Variants in PCMTD1 observed in about 807,000 individuals in gnomAD.
PCMTD1 encodes protein-L-isoaspartate (D-aspartate) O-methyltransferase domain containing 1, also known as protein-L-isoaspartate O-methyltransferase domain-containing protein 1.
PCMTD1 carries 12 observed loss-of-function variants against 37.6 expected under a neutral mutation model. The observed-to-expected ratio is 0.32, with a 90% confidence interval of 0.20 to 0.52. PCMTD1 has a LOEUF of 0.52. Ranked by LOEUF, PCMTD1 falls within the 20% of genes least tolerant of loss-of-function variation. The pLI, the probability that PCMTD1 is intolerant of heterozygous loss-of-function variation, is 0.97. For synonymous variants in PCMTD1, 117 were observed against 135.8 expected (o/e 0.86, Z 0.96); for missense variants, 235 against 421.3 (o/e 0.56, Z 3.87).
intron 1 of PCMTD1, among the ~76,000 whole-genome samples, chr8:51,867,284 A>C (rs13280471): frequency 0.69 from 104,022 of 151,560 alleles, 42,123 homozygotes; most frequent in Non-Finnish European, 0.9. Context: ...AGTATGGCTA[A>C]TCAGAAAACT....
At chr8:51,898,219 A>C (rs1223163916) in intron 1 of PCMTD1, among the ~76,000 whole-genome samples, 2 of 152,222 alleles carry the variant, frequency 1.3e-5, no homozygotes, top group African/African-American at 2.4e-5. Context: ...AAAAGAGGAC[A>C]CACGAAAACA....
intron 2 of PCMTD1, among the ~76,000 whole-genome samples, chr8:51,856,953 T>A (rs2038398988): frequency 1.3e-5 from 2 of 152,212 alleles, no homozygotes; most frequent in African/African-American, 4.8e-5. Flanking sequence ...TACTCTTAAA[T>A]GAGTAAACTT....
intron 2 of PCMTD1, among the ~76,000 whole-genome samples, chr8:51,858,377 G>A (rs1046098083): frequency 6.6e-6 from 1 of 152,212 alleles, no homozygotes; most frequent in Non-Finnish European, 1.5e-5. Context: ...CTGAGCCATA[G>A]TGTTATAGTT....
chr8:51,898,527 C>T (rs1233958893), intron 1 of PCMTD1, among the ~76,000 whole-genome samples: 2 of 152,158 alleles, frequency 1.3e-5, no homozygotes, highest in African/African-American at 4.8e-5. Context: ...GGCCCGCGGG[C>T]ATCTCAAGAC....
intron 3 of PCMTD1, among the ~76,000 whole-genome samples, chr8:51,834,124 TCA>T (rs1460082367): frequency 6.6e-6 from 1 of 152,140 alleles, no homozygotes; most frequent in African/African-American, 2.4e-5. Flanking sequence ...AGAATTCATC[TCA>T]GTTTGACATT....
chr8:51,896,424 C>T (rs974983840), intron 1 of PCMTD1: 15 of 152,126 alleles, frequency 9.9e-5, no homozygotes, highest in Admixed American at 3.3e-4. Flanking sequence ...TTAGGGCCCT[C>T]TTGGTATTCT....
At chr8:51,853,087 A>T (rs1046116958) in intron 2 of PCMTD1, among the ~76,000 whole-genome samples, 1 of 152,230 alleles carries the variant, frequency 6.6e-6, no homozygotes, top group Admixed American at 6.5e-5. Context: ...AAGAAAGACG[A>T]AAGATTCACC....
At chr8:51,826,483 C>T (rs1044108443) in intron 5 of PCMTD1, among the ~76,000 whole-genome samples, 1 of 152,098 alleles carries the variant, frequency 6.6e-6, no homozygotes, top group African/African-American at 2.4e-5. Context: ...AACAAAACTG[C>T]ACATTCTGCA....
chr8:51,873,031 T>G (rs13276858), intron 1 of PCMTD1, among the ~76,000 whole-genome samples: 77,168 of 152,148 alleles, frequency 0.51, 23,681 homozygotes, highest in Non-Finnish European at 0.68. Flanking sequence ...GTTTTTGGAC[T>G]TATAAAATGG....
chr8:51,841,103 C>T (rs2038141628), intron 3 of PCMTD1, among the ~76,000 whole-genome samples: 1 of 152,098 alleles, frequency 6.6e-6, no homozygotes, highest in South Asian at 2.1e-4. Context: ...CCAAACAGAA[C>T]TAAGTAAGAA....
chr8:51,821,213 T>C (rs1022015036), intron 5 of PCMTD1, among the ~76,000 whole-genome samples: 3 of 152,232 alleles, frequency 2.0e-5, no homozygotes, highest in South Asian at 2.1e-4. Flanking sequence ...AATCATGGCC[T>C]ACTGGAGCCT....
intron 1 of PCMTD1, among the ~76,000 whole-genome samples, chr8:51,878,162 A>G (rs1015325050): frequency 2.0e-5 from 3 of 151,888 alleles, no homozygotes; most frequent in African/African-American, 7.2e-5. Flanking sequence ...CCCACAGCCC[A>G]TGGGTCACAT....
chr8:51,898,430 G>A (rs1221832657), intron 1 of PCMTD1, among the ~76,000 whole-genome samples: 2 of 152,100 alleles, frequency 1.3e-5, no homozygotes, highest in Middle Eastern at 3.4e-3. Context: ...CCCAGCCCCC[G>A]AGACTTCCCC....
chr8:51,817,721 T>C lies in PCMTD1; in HGVS notation c.*2630A>G, dbSNP rs1342674191. The C allele has an allele frequency of 1.8e-5, 7 of 381,962 alleles. No homozygotes were observed. Among genetic ancestry groups the C allele is most frequent in the Admixed American group, 9.9e-5 (3 of 30,274 alleles). The allele number at this position is 381,962 out of a possible 1,614,324, so 23.7% of individuals were successfully genotyped here. A position where few individuals can be genotyped will look rare whatever the true frequency, so the allele number is the denominator to read the frequency against. On this transcript the variant is annotated 3_prime_UTR_variant, in exon 6 of 6. Transcript: ENST00000522514. ...TTTTATTTTACTACTATGTATGCTA[T>C]TTTAATAACATTTTTCTTTATTAAT...
At chr8:51,889,131 C>A (rs1345119423) in intron 1 of PCMTD1, among the ~76,000 whole-genome samples, 3 of 152,176 alleles carry the variant, frequency 2.0e-5, no homozygotes, top group Non-Finnish European at 4.4e-5. Context: ...TCACTGCCTA[C>A]AATATTGGTA....
At chr8:51,887,032 T>C (rs1316289060) in intron 1 of PCMTD1, among the ~76,000 whole-genome samples, 2 of 152,098 alleles carry the variant, frequency 1.3e-5, no homozygotes, top group African/African-American at 4.8e-5. Flanking sequence ...ATGACGCTGA[T>C]TCCTTTTCTG....
intron 2 of PCMTD1, among the ~76,000 whole-genome samples, chr8:51,851,520 C>A (rs1244967423): frequency 2.0e-5 from 3 of 152,108 alleles, no homozygotes; most frequent in Non-Finnish European, 4.4e-5. Context: ...TATGACTATA[C>A]CTCAATGTGC....
chr8:51,855,663 G>A (rs2038375661), intron 2 of PCMTD1, among the ~76,000 whole-genome samples: 4 of 151,862 alleles, frequency 2.6e-5, no homozygotes, highest in Admixed American at 2.6e-4. Context: ...CCTGCAGAAT[G>A]TGTTTTTTGT....
intron 5 of PCMTD1, among the ~76,000 whole-genome samples, chr8:51,828,616 G>A (rs532625444): frequency 2.0e-5 from 3 of 152,278 alleles, no homozygotes; most frequent in African/African-American, 7.2e-5. Context: ...CTAAGTTGGG[G>A]ACCATCTGCT....
Sources: gnomAD v4.1 joint callset for allele counts (sites outside exome capture counted in the v4.1 genomes callset) on GRCh38, gnomAD v4.1.1 for gene constraint, MANE v1.5 for transcripts, NCBI Gene and HGNC (gene_info 2026-07-23, HGNC 2026-07-21) for gene names.